Variants in WNT7A observed in about 807,000 individuals in gnomAD.
The protein encoded by WNT7A is Wnt family member 7A.
WNT7A carries 16 observed loss-of-function variants against 28.2 expected under a neutral mutation model. The ratio of observed to expected loss-of-function variants is 0.57; its 90% CI spans 0.38 to 0.86. The LOEUF (loss-of-function observed/expected upper bound fraction) is 0.86, where lower values mean the gene tolerates loss of function less well. Ranked by LOEUF, WNT7A falls within the 40% of genes least tolerant of loss-of-function variation. The pLI, the probability that WNT7A is intolerant of heterozygous loss-of-function variation, is 0.00. For missense variants in WNT7A, 411 were observed against 489.7 expected, an observed-to-expected ratio of 0.84 and a Z score of 1.52; for synonymous variants, 190 against 195.9, an observed-to-expected ratio of 0.97 and a Z score of 0.25.
chr3:13,879,703 A>G (rs545977310), intron 1 of WNT7A, 43 bp downstream of exon 1: 18 of 1,597,776 alleles, frequency 1.1e-5, no homozygotes, highest in South Asian at 1.1e-5. Context: ...GGCCGTGCCA[A>G]CTTTGTCGAA....
At chr3:13,822,958 G>T (rs1479440618) in intron 3 of WNT7A, among the ~76,000 whole-genome samples, 1 of 152,206 alleles carries the variant, frequency 6.6e-6, no homozygotes, top group Non-Finnish European at 1.5e-5. Flanking sequence ...TTCTTCTGAA[G>T]CCACTGATGG....
chr3:13,873,538 G>A (rs1259027159), intron 2 of WNT7A, among the ~76,000 whole-genome samples: 1 of 152,154 alleles, frequency 6.6e-6, no homozygotes, highest in Non-Finnish European at 1.5e-5. Flanking sequence ...AGAATATGGT[G>A]ACAAAACCAG....
At chr3:13,837,295 C>T (rs556403185) in intron 3 of WNT7A, among the ~76,000 whole-genome samples, 7 of 152,128 alleles carry the variant, frequency 4.6e-5, no homozygotes, top group African/African-American at 9.7e-5. Context: ...TCCTCAGCTC[C>T]GGCTCAGCAA....
intron 2 of WNT7A, among the ~76,000 whole-genome samples, chr3:13,872,020 T>G (rs1362441586): frequency 6.6e-6 from 1 of 152,082 alleles, no homozygotes; most frequent in African/African-American, 2.4e-5. Context: ...TCAGGGCCTT[T>G]GCATCTACTG....
chr3:13,873,658 GC>G (rs1265918986), intron 2 of WNT7A, among the ~76,000 whole-genome samples: 1 of 152,176 alleles, frequency 6.6e-6, no homozygotes, highest in African/African-American at 2.4e-5. Context: ...AGCTGACATT[GC>G]AAACCAGTTC....
chr3:13,856,893 A>AAAGAAGAAGAAG lies in WNT7A; in HGVS notation c.299-2102_299-2091dup, dbSNP rs775537679. The stretch of plus-strand genomic sequence containing the variant: ...AGAGGAAGAAGAGGAAGAAGAAGAA[A>AAAGAAGAAGAAG]AAGAAGAAGAAGAAGAAGAAGAAGA... On this transcript the variant is annotated intron_variant, in intron 2 of 3. Transcript: ENST00000285018. 9.8e-4 allele frequency among the ~76,000 whole-genome samples: 72 copies of AAAGAAGAAGAAG among 73,324 alleles called. 1 individual carries two copies. The highest frequency in any genetic ancestry group is 1.5e-3 in the Admixed American group (11 of 7,156). The allele number at this position is 73,324 out of a possible 152,430, so 48.1% of individuals were successfully genotyped here.
At chr3:13,837,754 A>G (rs569033369) in intron 3 of WNT7A, among the ~76,000 whole-genome samples, 1 of 152,228 alleles carries the variant, frequency 6.6e-6, no homozygotes, top group South Asian at 2.1e-4. Context: ...ACCTGGCTGA[A>G]CATCCTCTGT....
chr3:13,835,902 T>C (rs4685041), intron 3 of WNT7A, among the ~76,000 whole-genome samples: 26,064 of 152,170 alleles, frequency 0.17, 2,898 homozygotes, highest in East Asian at 0.55. Context: ...GACTTTATGC[T>C]GAGTGAAAGA....
chr3:13,874,792 TGA>T (rs1404975380), intron 2 of WNT7A, among the ~76,000 whole-genome samples, 153 bp downstream of exon 2: 2 of 152,136 alleles, frequency 1.3e-5, no homozygotes. Context: ...TGACCCTCAC[TGA>T]GAGTCCTGAA....
Position 13,871,878 on chromosome 3 carries a change from C to G in WNT7A, c.298+3069G>C, listed in dbSNP as rs146931927. ...GTCTCCATTCCCATGAAGGGAAATC[C>G]AGACCCCCTGCCCTGGCCTGAGGGA... On this transcript the variant is annotated intron_variant, in intron 2 of 3. Transcript: ENST00000285018. Among the ~76,000 whole-genome samples the G allele has an allele frequency of 6.9e-3, 1,047 of 152,274 alleles. 8 individuals carry two copies. Among genetic ancestry groups the G allele is most frequent in the Non-Finnish European group, 0.012 (796 of 68,000 alleles).
At chr3:13,826,664 A>C (rs1379572117) in intron 3 of WNT7A, among the ~76,000 whole-genome samples, 1 of 152,198 alleles carries the variant, frequency 6.6e-6, no homozygotes, top group Non-Finnish European at 1.5e-5. Flanking sequence ...GGATAATGTG[A>C]GTGCAGGGCC....
rs73814728 is a variant in WNT7A, at chr3:13,866,579, G to T, written c.298+8368C>A. Among the ~76,000 whole-genome samples, 169 of 152,322 alleles carry T rather than the reference G, an allele frequency of 1.1e-3. 2 individuals are homozygous for T. In the East Asian group the frequency reaches 0.025, roughly 22 times the overall value. On this transcript the variant is annotated intron_variant, in intron 2 of 3. Transcript: ENST00000285018. ...GTACACTAGAGAGGGGGTAATGAAG[G>T]CTTCTCCGAGGGGCTGACAGGTGAG...
intron 3 of WNT7A, among the ~76,000 whole-genome samples, chr3:13,835,916 T>C (rs1035671535): frequency 6.6e-6 from 1 of 152,224 alleles, no homozygotes; most frequent in Non-Finnish European, 1.5e-5. Context: ...TGAAAGATGC[T>C]GGACACAAAA....
chr3:13,863,434 A>G (rs1375596994), intron 2 of WNT7A, among the ~76,000 whole-genome samples: 29 of 150,420 alleles, frequency 1.9e-4, no homozygotes, highest in Admixed American at 2.6e-4. Context: ...GTGTGTGTGT[A>G]TGTGTATATG....
At chr3:13,869,497 AAGAG>A in intron 2 of WNT7A, among the ~76,000 whole-genome samples, 1 of 146,676 alleles carries the variant, frequency 6.8e-6, no homozygotes, top group African/African-American at 2.5e-5. Flanking sequence ...GAGGGAGGGA[AAGAG>A]AGAGGAAGGG....
In WNT7A at chr3:13,875,003, C is replaced by T. The variant is rs1356698559; in HGVS notation, c.242G>A (p.Arg81His). 12 of 1,614,084 alleles carry T rather than the reference C, an allele frequency of 7.4e-6. No individual in the cohort carries two copies. The highest frequency in any genetic ancestry group is 1.1e-5 in the South Asian group (1 of 91,094). The change falls in exon 2 of 4, where the codon CGC becomes CAC. Residue 81 changes from arginine to histidine, a missense_variant. Physicochemically the swap from Arg to His is conservative, Grantham distance 29. Transcript: ENST00000285018. ...CTCTCCCAGTGCAGAGCAGTTCCAGCGGCCATTGCGGAACTGAAACTGACA... is the reference window on the plus strand; with the variant it reads ...CTCTCCCAGTGCAGAGCAGTTCCAGTGGCCATTGCGGAACTGAAACTGACA... ...DECQFQFRNG[R>H]WNCSALGERT...
intron 2 of WNT7A, among the ~76,000 whole-genome samples, chr3:13,861,226 C>T (rs1300459717): frequency 6.6e-6 from 1 of 152,204 alleles, no homozygotes; most frequent in Non-Finnish European, 1.5e-5. Context: ...GGCCTGTGTG[C>T]CCTCCAGGAT....
At chr3:13,836,689 G>T (rs538189853) in intron 3 of WNT7A, among the ~76,000 whole-genome samples, 40 of 152,354 alleles carry the variant, frequency 2.6e-4, no homozygotes, top group Admixed American at 2.2e-3. Flanking sequence ...CAACCAGACC[G>T]GTAGAAGGAA....
intron 2 of WNT7A, among the ~76,000 whole-genome samples, chr3:13,866,024 G>A (rs1254901104): frequency 6.6e-6 from 1 of 152,200 alleles, no homozygotes; most frequent in African/African-American, 2.4e-5. Flanking sequence ...TGGAGGAGGT[G>A]GCCTTTGAGT....
Sources: gnomAD v4.1 joint callset for allele counts (sites outside exome capture counted in the v4.1 genomes callset) on GRCh38, gnomAD v4.1.1 for gene constraint, MANE v1.5 for transcripts, NCBI Gene and HGNC (gene_info 2026-07-23, HGNC 2026-07-21) for gene names.